The following TMPRSS11F variants were observed in gnomAD, a reference collection of about 807,000 sequenced individuals.
The protein encoded by TMPRSS11F is transmembrane protease serine 11F.
TMPRSS11F carries 47 observed loss-of-function variants against 60.2 expected under a neutral mutation model. That is an observed-to-expected ratio of 0.78 (90% CI 0.62 to 1.00). TMPRSS11F has a LOEUF of 1.00. TMPRSS11F is among the 50% of genes least tolerant of loss of function. The pLI is 0.00. For synonymous variants in TMPRSS11F, 166 were observed against 167.3 expected (o/e 0.99, Z 0.06); for missense variants, 519 against 522.9 (o/e 0.99, Z 0.07).
chr4:68,101,828 G>A (rs918324785), intron 1 of TMPRSS11F, among the ~76,000 whole-genome samples: 2 of 151,890 alleles, frequency 1.3e-5, no homozygotes, highest in African/African-American at 2.4e-5. Flanking sequence ...ACCATTTTTT[G>A]TTTGTTTTTG....
intron 9 of TMPRSS11F, 44 bp downstream of exon 9, chr4:68,059,282 T>A: frequency 1.2e-6 from 2 of 1,603,658 alleles, no homozygotes; most frequent in Non-Finnish European, 1.7e-6. Flanking sequence ...AAATAGCTAA[T>A]GGAAACTTTC....
At chr4:68,056,452 A>C (rs192045273) in intron 9 of TMPRSS11F, among the ~76,000 whole-genome samples, 66 of 151,716 alleles carry the variant, frequency 4.4e-4, no homozygotes, top group South Asian at 6.2e-4. Flanking sequence ...AGCAAAAAAA[A>C]AAAAACACTT....
Position 68,064,752 on chromosome 4 carries a change from G to C in TMPRSS11F, c.948C>G (p.Asp316Glu). Residue 316 changes from aspartate (D) to glutamate (E), a missense_variant, in exon 8 of 10, where the codon GAC becomes GAG. Asp to Glu is a conservative substitution (Grantham distance 45). Coordinates refer to ENST00000356291, the MANE Select transcript of TMPRSS11F (RefSeq NM_207407.2). Reference sequence around the variant, plus strand: ...TTTTAGGTGGCAACTTTATAGATGAGTCTGGGAGGCAAACTCTCTGGACTA... The same window carrying C: ...TTTTAGGTGGCAACTTTATAGATGACTCTGGGAGGCAAACTCTCTGGACTA... ...SNIVQRVCLP[D>E]SSIKLPPKTS... is the part of the protein sequence containing the mutation. 1 of 1,614,182 alleles carries C rather than the reference G, an allele frequency of 6.2e-7. No individual in the cohort carries two copies. Among genetic ancestry groups the C allele is most frequent in the Non-Finnish European group, 8.5e-7 (1 of 1,180,034 alleles).
chr4:68,078,085 G>A lies in TMPRSS11F; in HGVS notation c.283-4076C>T, dbSNP rs112612675. Among the ~76,000 whole-genome samples the A allele has an allele frequency of 3.4e-3, 517 of 152,232 alleles. 6 individuals are homozygous for A. The highest frequency in any genetic ancestry group is 0.012 in the African/African-American group (503 of 41,536). On this transcript the variant is annotated intron_variant, in intron 3 of 9. Transcript: ENST00000356291. ...AGGCACAGCCCTCCCAGGAAGCGGT[G>A]GATGGTCCCCTGGCCTTTGGCAACC... is the stretch of plus-strand genomic sequence containing the variant.
chr4:68,106,226 A>G (rs1309351053), intron 1 of TMPRSS11F, among the ~76,000 whole-genome samples: 1 of 152,208 alleles, frequency 6.6e-6, no homozygotes, highest in African/African-American at 2.4e-5. Flanking sequence ...AAAGAGTCCA[A>G]TTTAGTTCTG....
chr4:68,060,539 A>AG (rs1723145602), intron 8 of TMPRSS11F, among the ~76,000 whole-genome samples: 1 of 90,040 alleles, frequency 1.1e-5, no homozygotes, highest in African/African-American at 3.1e-5. Flanking sequence ...AAAAAAAAAA[A>AG]AAGATATATT....
intron 1 of TMPRSS11F, among the ~76,000 whole-genome samples, chr4:68,115,356 CAAAAAAAAAA>C (rs57550471): frequency 5.4e-5 from 4 of 74,696 alleles, no homozygotes; most frequent in South Asian, 5.0e-4. Context: ...GACACCATCT[CAAAAAAAAAA>C]AAAAAAAAAA....
chr4:68,090,461 C>T (rs566430626), intron 3 of TMPRSS11F, 62 bp downstream of exon 3: 42 of 1,508,416 alleles, frequency 2.8e-5, no homozygotes, highest in Non-Finnish European at 3.5e-5. Flanking sequence ...CTATATAACA[C>T]CCACATTCAA....
At chr4:68,123,268 A>G (rs775542059) in intron 1 of TMPRSS11F, among the ~76,000 whole-genome samples, 3 of 152,196 alleles carry the variant, frequency 2.0e-5, no homozygotes, top group Non-Finnish European at 4.4e-5. Context: ...CTCTTATTAG[A>G]TCAAAAAGTA....
chr4:68,120,342 T>A lies in TMPRSS11F; in HGVS notation c.11+9468A>T, dbSNP rs372393402. ...GAAAAAAGTTCTGCTCTGAGTAAAATGCTATCAAACAGCATCACATGCTAC... is the reference window on the plus strand; with the variant it reads ...GAAAAAAGTTCTGCTCTGAGTAAAAAGCTATCAAACAGCATCACATGCTAC... On this transcript the variant is annotated intron_variant, in intron 1 of 9. Coordinates refer to ENST00000356291, the MANE Select transcript of TMPRSS11F (RefSeq NM_207407.2). 3.5e-4 allele frequency among the ~76,000 whole-genome samples: 53 copies of A among 151,812 alleles called. No homozygotes were observed. In the East Asian group the frequency reaches 9.5e-3, roughly 27 times the overall value.
chr4:68,113,414 T>TAAA (rs35420726), intron 1 of TMPRSS11F, among the ~76,000 whole-genome samples: 12 of 146,340 alleles, frequency 8.2e-5, no homozygotes, highest in African/African-American at 2.5e-4. Context: ...ATGAAAAATG[T>TAAA]AAAAAAAAAA....
At chr4:68,099,466 T>TA (rs1350006478) in intron 1 of TMPRSS11F, among the ~76,000 whole-genome samples, 1 of 152,000 alleles carries the variant, frequency 6.6e-6, no homozygotes, top group Non-Finnish European at 1.5e-5. Flanking sequence ...CCCAGTGAAA[T>TA]AAAAAAATGG....
chr4:68,068,492 G>A, intron 7 of TMPRSS11F, 126 bp downstream of exon 7: 2 of 710,432 alleles, frequency 2.8e-6, no homozygotes, highest in East Asian at 2.6e-5. Context: ...TCCATTTAGG[G>A]GACAGCTAGG....
chr4:68,094,293 G>A (rs1315295558), intron 2 of TMPRSS11F, among the ~76,000 whole-genome samples: 7 of 124,800 alleles, frequency 5.6e-5, no homozygotes, highest in Admixed American at 2.6e-4. Flanking sequence ...GTAAACTATC[G>A]CAAGAACAGA....
chr4:68,089,255 T>A (rs1723877477), intron 3 of TMPRSS11F, among the ~76,000 whole-genome samples: 3 of 152,230 alleles, frequency 2.0e-5, no homozygotes, highest in Middle Eastern at 3.4e-3. Flanking sequence ...AAATTTTACA[T>A]CCCATGAACT....
At chr4:68,084,796 C>T (rs1723776145) in intron 3 of TMPRSS11F, among the ~76,000 whole-genome samples, 1 of 149,284 alleles carries the variant, frequency 6.7e-6, no homozygotes, top group African/African-American at 2.5e-5. Flanking sequence ...AGGTTAGTTA[C>T]ATATGTATAC....
At chr4:68,095,943 T>A (rs999513554) in intron 2 of TMPRSS11F, among the ~76,000 whole-genome samples, 3 of 150,724 alleles carry the variant, frequency 2.0e-5, no homozygotes, top group Admixed American at 6.6e-5. Context: ...CCAGTGGTTC[T>A]GCATCTGCAT....
Position 68,111,921 on chromosome 4 carries a change from A to G in TMPRSS11F, c.12-12883T>C, listed in dbSNP as rs142130612. ...TCTTCCTTTGATATTTAACCCATAGATAACTAAAACCAATGATTTGGGTTA... is the reference window on the plus strand; with the variant it reads ...TCTTCCTTTGATATTTAACCCATAGGTAACTAAAACCAATGATTTGGGTTA... On this transcript the variant is annotated intron_variant, in intron 1 of 9. Transcript: ENST00000356291. Among the ~76,000 whole-genome samples, 56 of 152,304 alleles carry G rather than the reference A, an allele frequency of 3.7e-4. No individual in the cohort carries two copies. The East Asian group carries it at 4.6e-3, about 13-fold the overall frequency.
chr4:68,087,436 C>T (rs1723835333), intron 3 of TMPRSS11F, among the ~76,000 whole-genome samples: 1 of 152,076 alleles, frequency 6.6e-6, no homozygotes. Context: ...GAACCATTCC[C>T]CTTGAGAACT....
Sources: gnomAD v4.1 joint callset for allele counts (sites outside exome capture counted in the v4.1 genomes callset) on GRCh38, gnomAD v4.1.1 for gene constraint, MANE v1.5 for transcripts, NCBI Gene and HGNC (gene_info 2026-07-23, HGNC 2026-07-21) for gene names.